AGO3: variants seen among roughly 807,000 people sequenced by gnomAD.
The protein encoded by AGO3 is protein argonaute-3.
Under a neutral mutation model 105.5 loss-of-function variants are expected in AGO3, and 16 were observed. The ratio of observed to expected loss-of-function variants is 0.15; its 90% CI spans 0.10 to 0.23. The LOEUF (loss-of-function observed/expected upper bound fraction) is 0.23. AGO3 is among the 10% of genes least tolerant of loss of function. AGO3 has a pLI of 1.00. For synonymous variants in AGO3, 340 were observed against 367.3 expected (o/e 0.93, Z 0.85); for missense variants, 534 against 1,088.0 (o/e 0.49, Z 7.16).
chr1:36,039,981 G>A lies in AGO3; in HGVS notation c.2034G>A (p.Arg678=). The change falls in exon 15 of 19, where the codon AGG becomes AGA. Residue 678 remains arginine (R), a synonymous_variant. Coordinates refer to ENST00000373191, the MANE Select transcript of AGO3 (RefSeq NM_024852.4). ...ATGGTGTTTCAGAGGGGCAGTTTAG[G>A]CAGGTTGGTTACCTAGAATCTCATC... The part of the protein sequence containing the change: ...YRDGVSEGQF[R]QVLYYELLAI... The A allele has an allele frequency of 1.2e-6, 2 of 1,610,602 alleles. No homozygotes were observed. Among genetic ancestry groups the A allele is most frequent in the East Asian group, 2.2e-5 (1 of 44,668 alleles).
chr1:36,044,675 C>G (rs1642389687), intron 17 of AGO3, among the ~76,000 whole-genome samples: 1 of 152,198 alleles, frequency 6.6e-6, no homozygotes, highest in Non-Finnish European at 1.5e-5. Flanking sequence ...CTCCTGACCT[C>G]AAGTAATCCG....
chr1:36,051,358 C>A (rs772441219), intron 17 of AGO3, among the ~76,000 whole-genome samples: 8 of 152,098 alleles, frequency 5.3e-5, no homozygotes, highest in Non-Finnish European at 8.8e-5. Flanking sequence ...ATACAACATT[C>A]CAAACCCTGT....
chr1:36,025,964 G>T (rs1446487371), intron 11 of AGO3, among the ~76,000 whole-genome samples: 1 of 151,946 alleles, frequency 6.6e-6, no homozygotes, highest in Non-Finnish European at 1.5e-5. Flanking sequence ...TTTGAGCCTG[G>T]GAAGTTGAGG....
rs146858503 is a variant in AGO3, at chr1:35,972,143, C to A, written c.432C>A (p.Thr144=). The part of the protein sequence containing the change: ...HLLHEVLTGR[T]LPEPLELDKP... ...TGCATGAAGTACTGACAGGACGGAC[C>A]TTGCCTGAGCCACTGGAATTAGACA... The change falls in exon 4 of 19, where the codon ACC becomes ACA. Residue 144 remains threonine (T), a synonymous_variant. Transcript: ENST00000373191. The A allele has an allele frequency of 9.5e-5, 154 of 1,613,930 alleles. No individual in the cohort carries two copies. The highest frequency in any genetic ancestry group is 1.6e-4 in the Middle Eastern group (1 of 6,074).
rs200669148 is a variant in AGO3 at position 35,973,003 on chromosome 1, G to GT, written c.522-363dup. Among the ~76,000 whole-genome samples the GT allele has an allele frequency of 7.0e-3, 1,037 of 148,420 alleles. 8 individuals carry two copies. Among genetic ancestry groups the GT allele is most frequent in the African/African-American group, 0.024 (962 of 40,484 alleles). On this transcript the variant is annotated intron_variant, in intron 4 of 18. Coordinates refer to ENST00000373191, the MANE Select transcript of AGO3 (RefSeq NM_024852.4). ...TGAGCCCCCACACCTGACTCAGTAT[G>GT]TTTTTTTTTAAAGAAAAATAGTATG... is the stretch of plus-strand genomic sequence containing the variant.
intron 17 of AGO3, among the ~76,000 whole-genome samples, chr1:36,044,776 T>G (rs988808915): frequency 6.6e-6 from 1 of 152,172 alleles, no homozygotes; most frequent in African/African-American, 2.4e-5. Flanking sequence ...AAAGTTTTTC[T>G]TATTCTTTCC....
In AGO3 at chr1:36,068,927, T is replaced by G. The variant is rs191706797; in HGVS notation, c.*13182T>G. On this transcript the variant is annotated 3_prime_UTR_variant, in exon 19 of 19. Transcript: ENST00000373191. ...CAAATGGAAAAAGCCTATTGAGAATTTATTGCCTTTGAGAGTAGAAAGGGC... is the reference window on the plus strand; with the variant it reads ...CAAATGGAAAAAGCCTATTGAGAATGTATTGCCTTTGAGAGTAGAAAGGGC... 1 of 152,322 alleles carries G rather than the reference T, an allele frequency of 6.6e-6. No individual in the cohort carries two copies. The highest frequency in any genetic ancestry group is 6.5e-5 in the Admixed American group (1 of 15,304). The allele number at this position is 152,322 out of a possible 1,614,324, so 9.4% of individuals were successfully genotyped here.
At chr1:35,930,726 G>C (rs1571394182), upstream of AGO3, 1 of 154,404 alleles carries the variant, frequency 6.5e-6, no homozygotes, top group African/African-American at 2.4e-5. Flanking sequence ...TCAGGAAGGA[G>C]GGTGGCCCTA....
chr1:35,973,835 G>A (rs1042086577), intron 5 of AGO3, among the ~76,000 whole-genome samples: 3 of 152,134 alleles, frequency 2.0e-5, no homozygotes, highest in African/African-American at 7.2e-5. Flanking sequence ...TATATTTTAA[G>A]AAAGATAATT....
At chr1:35,988,513 A>G (rs1010861661) in intron 5 of AGO3, among the ~76,000 whole-genome samples, 3 of 152,038 alleles carry the variant, frequency 2.0e-5, no homozygotes, top group African/African-American at 4.8e-5. Flanking sequence ...TAGATTCCAC[A>G]TGTGAGATCA....
rs964145037 is a variant in AGO3 at position 36,005,635 on chromosome 1, T to C, written c.793+1160T>C. 6 of 824,220 alleles carry C rather than the reference T, an allele frequency of 7.3e-6. No homozygotes were observed. The South Asian group carries it at 2.8e-4, about 38-fold the overall frequency. 51.1% of individuals were successfully genotyped at this position (824,220 alleles called of 1,614,324 possible). ...CATGGTTTCCAGTGGAGTTGCTGCT[T>C]AGTTACCACCTCTGATATCATGAAG... On this transcript the variant is annotated intron_variant, in intron 6 of 18. Transcript: ENST00000373191.
chr1:35,968,786 A>G lies in AGO3; in HGVS notation c.312+1711A>G, dbSNP rs138606946. 1.5e-3 allele frequency among the ~76,000 whole-genome samples: 226 copies of G among 152,142 alleles called. 3 individuals are homozygous for G. In the East Asian group the frequency reaches 0.034, roughly 23 times the overall value. On this transcript the variant is annotated intron_variant, in intron 3 of 18. Coordinates refer to ENST00000373191, the MANE Select transcript of AGO3 (RefSeq NM_024852.4). Reference sequence around the variant, plus strand: ...TTGCCAGGTCATGTGATAATTATTAATTTTCTGAGAATCTGCTGTATTGTT... The same window carrying G: ...TTGCCAGGTCATGTGATAATTATTAGTTTTCTGAGAATCTGCTGTATTGTT...
At position 36,007,439 on chromosome 1, in the gene AGO3, G is replaced by A. The variant is rs185621140; in HGVS notation, c.794-1251G>A. On this transcript the variant is annotated intron_variant, in intron 6 of 18. Coordinates refer to ENST00000373191, the MANE Select transcript of AGO3 (RefSeq NM_024852.4). ...AGGCCGGGCGTGGTGGCTCACGCCT[G>A]TAATCTCAACACTTTGGGAGGCCAA... Among the ~76,000 whole-genome samples, 327 of 152,292 alleles carry A rather than the reference G, an allele frequency of 2.1e-3. 3 individuals carry two copies. The highest frequency in any genetic ancestry group is 7.4e-3 in the African/African-American group (307 of 41,564).
intron 2 of AGO3, among the ~76,000 whole-genome samples, chr1:35,951,063 TCTC>T (rs1646462336): frequency 6.6e-6 from 1 of 152,046 alleles, no homozygotes; most frequent in Non-Finnish European, 1.5e-5. Context: ...TTCAAGCAAT[TCTC>T]CTGCCTCAGC....
rs557672187 is a variant in AGO3 at position 36,016,904 on chromosome 1, C to CATG, written c.1406+2858_1406+2860dup. Among the ~76,000 whole-genome samples, 727 of 152,282 alleles carry CATG rather than the reference C, an allele frequency of 4.8e-3. 4 individuals are homozygous for CATG. Among genetic ancestry groups the CATG allele is most frequent in the Non-Finnish European group, 6.9e-3 (471 of 68,020 alleles). ...TGGTATGGTCTGTTGGGGCCTCATG[C>CATG]ATGAGCTTAGTCCAAAACAATGGCC... On this transcript the variant is annotated intron_variant, in intron 11 of 18. Transcript: ENST00000373191.
chr1:36,051,025 C>T (rs1642695146), intron 17 of AGO3, among the ~76,000 whole-genome samples: 1 of 152,064 alleles, frequency 6.6e-6, no homozygotes, highest in African/African-American at 2.4e-5. Flanking sequence ...CAAGGTTTTT[C>T]ACTATGTTAC....
chr1:36,032,617 C>T (rs1641829967), intron 12 of AGO3, among the ~76,000 whole-genome samples: 1 of 152,144 alleles, frequency 6.6e-6, no homozygotes, highest in African/African-American at 2.4e-5. Context: ...CTCCTGGGCT[C>T]AAGCAATCCG....
At chr1:35,959,547 G>T (rs968822249) in intron 2 of AGO3, among the ~76,000 whole-genome samples, 1 of 152,106 alleles carries the variant, frequency 6.6e-6, no homozygotes, top group East Asian at 1.9e-4. Context: ...CACTGTTTTA[G>T]AAGTTAAAAT....
At chr1:35,976,948 A>G (rs1557660984) in intron 5 of AGO3, among the ~76,000 whole-genome samples, 1 of 152,086 alleles carries the variant, frequency 6.6e-6, no homozygotes, top group Admixed American at 6.6e-5. Flanking sequence ...CAGCTCTTGT[A>G]TGATTTCGTA....
Sources: gnomAD v4.1 joint callset for allele counts (sites outside exome capture counted in the v4.1 genomes callset) on GRCh38, gnomAD v4.1.1 for gene constraint, MANE v1.5 for transcripts, NCBI Gene and HGNC (gene_info 2026-07-23, HGNC 2026-07-21) for gene names.